IQSEC1: variants seen among roughly 807,000 people sequenced by gnomAD.
IQSEC1 encodes IQ motif and SEC7 domain-containing protein 1.
Under a neutral mutation model 91.0 loss-of-function variants are expected in IQSEC1, and 31 were observed. The ratio of observed to expected loss-of-function variants is 0.34; its 90% CI spans 0.26 to 0.46. The LOEUF (loss-of-function observed/expected upper bound fraction) is 0.46, where lower values mean the gene tolerates loss of function less well. Ranked by LOEUF, IQSEC1 falls within the 20% of genes least tolerant of loss-of-function variation. The probability of loss-of-function intolerance (pLI) is 1.00; values close to 1 mark genes in which losing one functional copy is unlikely to be tolerated. For synonymous variants in IQSEC1, 699 were observed against 662.6 expected (o/e 1.05, Z -0.84); for missense variants, 1,388 against 1,575.6 (o/e 0.88, Z 2.02).
chr3:13,113,987 C>T (rs547970261), intron 2 of IQSEC1, among the ~76,000 whole-genome samples: 3 of 152,356 alleles, frequency 2.0e-5, no homozygotes, highest in South Asian at 2.1e-4. Flanking sequence ...TCTCCACATA[C>T]GATGAGACTC....
At position 13,139,595 on chromosome 3, in the gene IQSEC1, T is replaced by C. The variant is rs918300000; in HGVS notation, c.302+24509A>G. Among the ~76,000 whole-genome samples the C allele has an allele frequency of 3.9e-5, 6 of 152,230 alleles. No homozygotes were observed. In the East Asian group the frequency reaches 1.2e-3, roughly 29 times the overall value. On this transcript the variant is annotated intron_variant, in intron 2 of 15. Transcript: ENST00000648114. ...AGACATTACATCCAGTGACAGGGTG[T>C]TTGCGGTGATTCATCTGTCTTCCCT...
At position 12,994,273 on chromosome 3, in the gene IQSEC1, T is replaced by C. The variant is rs1702131533; in HGVS notation, c.24-52408A>G. ...GCCCTCCTGCCCGCCCCACCGCCCGTGCGCCGTGACCTTGGCGGGTGGCCT... is the reference window on the plus strand; with the variant it reads ...GCCCTCCTGCCCGCCCCACCGCCCGCGCGCCGTGACCTTGGCGGGTGGCCT... On this transcript the variant is annotated intron_variant, in intron 1 of 13. Coordinates refer to ENST00000613206, the MANE Select transcript of IQSEC1 (RefSeq NM_001134382.3). This position sits in a 1 kb window ranked among gnomAD's most constrained non-coding sequence, Gnocchi z 4.5. 6.6e-6 allele frequency among the ~76,000 whole-genome samples: 1 copy of C among 150,386 alleles called. No homozygotes were observed. Among genetic ancestry groups the C allele is most frequent in the South Asian group, 2.1e-4 (1 of 4,782 alleles).
intron 1 of IQSEC1, among the ~76,000 whole-genome samples, chr3:13,224,799 C>G (rs965631194): frequency 1.3e-5 from 2 of 152,222 alleles, no homozygotes; most frequent in African/African-American, 4.8e-5. Context: ...GCAAGGAGAC[C>G]AGAGGCACAT....
chr3:12,967,615 G>A lies in IQSEC1; in HGVS notation c.24-25750C>T. On this transcript the variant is annotated intron_variant, in intron 1 of 13. Transcript: ENST00000613206. The surrounding 1 kb of genome is among the most constrained non-coding windows in gnomAD (Gnocchi z 5.9). ...CGTCGGGGCTCCTGGTCCAGCGTCC[G>A]CCGGCTCCCGCGGCTCCGGCCCCAA... is the stretch of plus-strand genomic sequence containing the variant. 1 of 1,239,358 alleles carries A rather than the reference G, an allele frequency of 8.1e-7. No individual in the cohort carries two copies. The highest frequency in any genetic ancestry group is 1.0e-6 in the Non-Finnish European group (1 of 992,524). 76.8% of individuals were successfully genotyped at this position (1,239,358 alleles called of 1,614,324 possible). A position where few individuals can be genotyped will look rare whatever the true frequency, so the allele number is the denominator to read the frequency against.
Position 12,924,778 on chromosome 3 carries a change from G to T in IQSEC1, c.1569-36C>A. 6.6e-7 allele frequency: 1 copy of T among 1,511,196 alleles called. No individual in the cohort carries two copies. The highest frequency in any genetic ancestry group is 8.9e-7 in the Non-Finnish European group (1 of 1,125,046). 93.6% of individuals were successfully genotyped at this position (1,511,196 alleles called of 1,614,324 possible). A position where few individuals can be genotyped will look rare whatever the true frequency, so the allele number is the denominator to read the frequency against. On this transcript the variant is annotated intron_variant, in intron 3 of 13. Coordinates refer to ENST00000613206, the MANE Select transcript of IQSEC1 (RefSeq NM_001134382.3). The surrounding 1 kb of genome is among the most constrained non-coding windows in gnomAD (Gnocchi z 6.3). ...ACGAGAGGCACACTCAGTCCCAGCT[G>T]CCCGGCCACCAGCCAGGCACCTGGA...
Position 12,935,996 on chromosome 3 carries a change from G to A in IQSEC1, c.1020C>T (p.Asp340=), listed in dbSNP as rs766897979. Reference sequence around the variant, plus strand: ...GCGTGCTCCGGCAGCTCGTGTCCGTGTCAGCCTTGTCCTCTTTGTGGGCCA... The same window carrying A: ...GCGTGCTCCGGCAGCTCGTGTCCGTATCAGCCTTGTCCTCTTTGTGGGCCA... ...WALAHKEDKA[D]TDTSCRSTPS... Residue 340 remains aspartate, a synonymous_variant, in exon 3 of 14, where the codon GAC becomes GAT. Transcript: ENST00000613206. This position sits in a 1 kb window ranked among gnomAD's most constrained non-coding sequence, Gnocchi z 8.0. 1.9e-6 allele frequency: 3 copies of A among 1,600,124 alleles called. No homozygotes were observed. The highest frequency in any genetic ancestry group is 2.2e-5 in the East Asian group (1 of 44,850).
At chr3:13,230,186 C>T (rs1431035599) in intron 1 of IQSEC1, among the ~76,000 whole-genome samples, 1 of 152,142 alleles carries the variant, frequency 6.6e-6, no homozygotes, top group Non-Finnish European at 1.5e-5. Flanking sequence ...TCCATGCAGT[C>T]TTGTTTACAT....
At chr3:13,223,978 CA>C (rs1339699975) in intron 1 of IQSEC1, among the ~76,000 whole-genome samples, 2 of 152,204 alleles carry the variant, frequency 1.3e-5, no homozygotes, top group South Asian at 4.1e-4. Flanking sequence ...GGCTCTGAGC[CA>C]GGGGGTTGGG....
In IQSEC1 at chr3:13,282,938, C is replaced by G. The variant is rs1021695642; in HGVS notation, c.45G>C (p.Leu15=). Among the ~76,000 whole-genome samples, 1 of 147,154 alleles carries G rather than the reference C, an allele frequency of 6.8e-6. No individual in the cohort carries two copies. Among genetic ancestry groups the G allele is most frequent in the Admixed American group, 6.7e-5 (1 of 14,864 alleles). ...CGGCGACGATCCGGGTCAGCTCCTGCAGGTACTCGGCCGCCTGGCCGGGGG... is the reference window on the plus strand; with the variant it reads ...CGGCGACGATCCGGGTCAGCTCCTGGAGGTACTCGGCCGCCTGGCCGGGGG... Residue 15 remains leucine, a synonymous_variant, in exon 1 of 16, where the codon CTG becomes CTC. Coordinates refer to the IQSEC1 transcript ENST00000648114. This position sits in a 1 kb window ranked among gnomAD's most constrained non-coding sequence, Gnocchi z 6.4.
rs963969876 is a variant in IQSEC1 at position 12,970,380 on chromosome 3, C to T, written c.24-28515G>A. Reference sequence around the variant, plus strand: ...GAGACGTTTAGTTCCACTGTATCACCCCATGTTTTAGTCCTGAGCTGCTTG... The same window carrying T: ...GAGACGTTTAGTTCCACTGTATCACTCCATGTTTTAGTCCTGAGCTGCTTG... On this transcript the variant is annotated intron_variant, in intron 1 of 13. Coordinates refer to ENST00000613206, the MANE Select transcript of IQSEC1 (RefSeq NM_001134382.3). The surrounding 1 kb of genome is among the most constrained non-coding windows in gnomAD (Gnocchi z 4.4). 6.6e-6 allele frequency among the ~76,000 whole-genome samples: 1 copy of T among 152,120 alleles called. No homozygotes were observed. Among genetic ancestry groups the T allele is most frequent in the African/African-American group, 2.4e-5 (1 of 41,414 alleles).
intron 12 of IQSEC1, among the ~76,000 whole-genome samples, chr3:12,906,179 T>G (rs1351621497): frequency 6.6e-6 from 1 of 152,168 alleles, no homozygotes; most frequent in Non-Finnish European, 1.5e-5. Context: ...GGACAGCTGC[T>G]CTCAGGGTCT....
At chr3:13,018,193 A>G (rs778887559) in intron 1 of IQSEC1, among the ~76,000 whole-genome samples, 87 of 152,320 alleles carry the variant, frequency 5.7e-4, no homozygotes, top group African/African-American at 1.9e-3. Flanking sequence ...GGAGGTGGTG[A>G]GCACTCTGTC....
At chr3:13,048,901 C>T (rs1386137572) in intron 1 of IQSEC1, among the ~76,000 whole-genome samples, 2 of 152,214 alleles carry the variant, frequency 1.3e-5, no homozygotes, top group Non-Finnish European at 1.5e-5. Flanking sequence ...AGCCAGAACC[C>T]ACCCAGGGCC....
At chr3:13,060,172 A>G (rs1304289279) in intron 1 of IQSEC1, among the ~76,000 whole-genome samples, 2 of 152,014 alleles carry the variant, frequency 1.3e-5, no homozygotes, top group Non-Finnish European at 2.9e-5. Flanking sequence ...GGGCTCAGAG[A>G]GGTAAAGGGG....
intron 1 of IQSEC1, among the ~76,000 whole-genome samples, chr3:12,980,497 T>C (rs977226373): frequency 1.3e-5 from 2 of 152,232 alleles, no homozygotes; most frequent in Non-Finnish European, 2.9e-5. Context: ...TATGTGTTAA[T>C]AGCAAAGATA....
chr3:12,993,605 G>C (rs983492129), intron 1 of IQSEC1, among the ~76,000 whole-genome samples: 3 of 152,214 alleles, frequency 2.0e-5, no homozygotes, highest in African/African-American at 7.2e-5. Flanking sequence ...AAGAGATGGA[G>C]CACCCCGCCC....
chr3:13,045,107 C>T (rs1704446427), intron 1 of IQSEC1, among the ~76,000 whole-genome samples: 1 of 152,220 alleles, frequency 6.6e-6, no homozygotes, highest in Non-Finnish European at 1.5e-5. Flanking sequence ...CATCTGCCTC[C>T]TGGCCACTCC....
intron 2 of IQSEC1, among the ~76,000 whole-genome samples, chr3:13,105,410 C>T (rs1706137738): frequency 1.3e-5 from 2 of 152,196 alleles, no homozygotes; most frequent in African/African-American, 2.4e-5. Flanking sequence ...ACAGATGCCG[C>T]TCAGGGACAG....
intron 2 of IQSEC1, among the ~76,000 whole-genome samples, chr3:13,150,680 C>A (rs1253621734): frequency 6.6e-6 from 1 of 152,188 alleles, no homozygotes; most frequent in Non-Finnish European, 1.5e-5. Context: ...GATCTCCTCA[C>A]AAGCACCTGG....
Sources: gnomAD v4.1 joint callset for allele counts (sites outside exome capture counted in the v4.1 genomes callset) on GRCh38, gnomAD v4.1.1 for gene constraint, Gnocchi (gnomAD v3.1) non-coding constraint, MANE v1.5 for transcripts, NCBI Gene and HGNC (gene_info 2026-07-23, HGNC 2026-07-21) for gene names.